Variants in PEG3 observed in about 807,000 individuals in gnomAD.
PEG3 encodes paternally expressed 3, also known as paternally-expressed gene 3 protein.
In PEG3, 23 loss-of-function variants were observed where a neutral mutation model predicts 35.5. The observed-to-expected ratio is 0.65, with a 90% CI of 0.47 to 0.92. The LOEUF is 0.92. Among genes scored for constraint, PEG3 ranks in the 40% least tolerant of loss-of-function variants. The pLI, the probability that PEG3 is intolerant of heterozygous loss-of-function variation, is 0.00. For missense variants in PEG3, 1,960 were observed against 1,985.3 expected (o/e 0.99, Z 0.24); for synonymous variants, 707 against 697.0 (o/e 1.01, Z -0.23).
chr19:56,838,461 A>G (rs927471404), intron 1 of PEG3, among the ~76,000 whole-genome samples: 1 of 152,254 alleles, frequency 6.6e-6, no homozygotes, highest in Admixed American at 6.5e-5. Context: ...CCCGGGCCCC[A>G]GCCCTTAGCC....
At chr19:56,833,158 G>C (rs547166777) in intron 2 of PEG3, 1 of 517,470 alleles carries the variant, frequency 1.9e-6, no homozygotes, top group African/African-American at 1.9e-5. Context: ...CTCCGGTTTG[G>C]CCTCAGGCTC....
chr19:56,811,769 C>T lies in PEG3; in HGVS notation c.*1906G>A, dbSNP rs1290762360. On this transcript the variant is annotated 3_prime_UTR_variant, in exon 10 of 10. Transcript: ENST00000326441. ...TTCCTATGCAGCCAGCCCTCACCTA[C>T]ACCATACCATCAAAAACTCCTTTTC... 4.1e-6 allele frequency: 4 copies of T among 985,438 alleles called. No homozygotes were observed. The highest frequency in any genetic ancestry group is 4.8e-6 in the Non-Finnish European group (4 of 829,990). The allele number at this position is 985,438 out of a possible 1,614,324, so 61.0% of individuals were successfully genotyped here. A position where few individuals can be genotyped will look rare whatever the true frequency, so the allele number is the denominator to read the frequency against.
chr19:56,811,227 AAAT>A lies in PEG3; in HGVS notation c.*2445_*2447del. On this transcript the variant is annotated 3_prime_UTR_variant, in exon 10 of 10. Coordinates refer to ENST00000326441, the MANE Select transcript of PEG3 (RefSeq NM_006210.3). ...TAAAGAACATTCAAGAAATTTAAGAAAATAATGCTCAACTATAAGCCTACAACA... is the reference window on the plus strand; with the variant it reads ...TAAAGAACATTCAAGAAATTTAAGAAAATGCTCAACTATAAGCCTACAACA... The A allele has an allele frequency of 3.1e-6, 3 of 966,806 alleles. No homozygotes were observed. Among genetic ancestry groups the A allele is most frequent in the Non-Finnish European group, 1.2e-6 (1 of 812,962 alleles). 59.9% of individuals were successfully genotyped at this position (966,806 alleles called of 1,614,324 possible).
At chr19:56,824,863 A>C (rs1348200316) in intron 3 of PEG3, 122 bp from the exon 4 acceptor site, 2 of 547,934 alleles carry the variant, frequency 3.7e-6, no homozygotes, top group Non-Finnish European at 6.5e-6. Context: ...TAAATAGGCA[A>C]ACAACCGCAC....
intron 1 of PEG3, among the ~76,000 whole-genome samples, chr19:56,837,552 G>A (rs1049705401): frequency 1.3e-5 from 2 of 152,216 alleles, no homozygotes; most frequent in African/African-American, 2.4e-5. Flanking sequence ...CCCGCTTCCC[G>A]AGGCCTGGCT....
chr19:56,823,722 T>G (rs1294533836), intron 4 of PEG3, 43 bp from the exon 5 acceptor site: 1 of 1,608,500 alleles, frequency 6.2e-7, no homozygotes, highest in South Asian at 1.1e-5. Context: ...CTGGCCCACA[T>G]TCTCACAATA....
intron 2 of PEG3, among the ~76,000 whole-genome samples, chr19:56,827,354 C>T (rs1201130789): frequency 1.3e-5 from 2 of 152,064 alleles, no homozygotes; most frequent in Non-Finnish European, 2.9e-5. Flanking sequence ...GCCAATAGAA[C>T]TTGGCCCTTG....
Position 56,813,595 on chromosome 19 carries a change from T to C in PEG3, c.*80A>G. 3 of 1,508,498 alleles carry C rather than the reference T, an allele frequency of 2.0e-6. No individual in the cohort carries two copies. The highest frequency in any genetic ancestry group is 2.6e-5 in the South Asian group (2 of 76,036). The allele number at this position is 1,508,498 out of a possible 1,614,324, so 93.4% of individuals were successfully genotyped here. A position where few individuals can be genotyped will look rare whatever the true frequency, so the allele number is the denominator to read the frequency against. Reference sequence around the variant, plus strand: ...AAGGTTAAGTCTCCTACTGACATTATCATGGATTGGTTTGGATTCTCTGTG... The same window carrying C: ...AAGGTTAAGTCTCCTACTGACATTACCATGGATTGGTTTGGATTCTCTGTG... On this transcript the variant is annotated 3_prime_UTR_variant, in exon 10 of 10. Transcript: ENST00000326441.
At position 56,814,528 on chromosome 19, in the gene PEG3, T is replaced by C. The variant is rs779904139; in HGVS notation, c.3914A>G (p.Lys1305Arg). The change falls in exon 10 of 10, where the codon AAG becomes AGG. Residue 1305 changes from lysine (K) to arginine (R), a missense_variant. By Grantham distance (26) the Lys-to-Arg change is conservative (BLOSUM62 2). Transcript: ENST00000326441. The surrounding 1 kb of genome is among the most constrained non-coding windows in gnomAD (Gnocchi z 5.8). ...AELADHVTVH[K>R]NEPYEYGSSY... The stretch of plus-strand genomic sequence containing the variant: ...GGACCCGTACTCATAGGGCTCATTC[T>C]TATGAACAGTTACGTGATCTGCAAG... 2.5e-6 allele frequency: 4 copies of C among 1,614,000 alleles called. No individual in the cohort carries two copies. In the Admixed American group the frequency reaches 6.7e-5, roughly 27 times the overall value.
At position 56,813,585 on chromosome 19, in the gene PEG3, A is replaced by G. The variant is rs2059690269; in HGVS notation, c.*90T>C. 8 of 1,490,826 alleles carry G rather than the reference A, an allele frequency of 5.4e-6. No individual in the cohort carries two copies. Among genetic ancestry groups the G allele is most frequent in the Non-Finnish European group, 7.2e-6 (8 of 1,117,222 alleles). 92.3% of individuals were successfully genotyped at this position (1,490,826 alleles called of 1,614,324 possible). On this transcript the variant is annotated 3_prime_UTR_variant, in exon 10 of 10. Transcript: ENST00000326441. Reference sequence around the variant, plus strand: ...GTAACACACTAAGGTTAAGTCTCCTACTGACATTATCATGGATTGGTTTGG... The same window carrying G: ...GTAACACACTAAGGTTAAGTCTCCTGCTGACATTATCATGGATTGGTTTGG...
chr19:56,838,709 C>T (rs1245498904), intron 1 of PEG3, among the ~76,000 whole-genome samples: 2 of 152,222 alleles, frequency 1.3e-5, no homozygotes, highest in Non-Finnish European at 2.9e-5. Context: ...TTAGGCACGT[C>T]TCCCGGCTCC....
At chr19:56,823,524 T>C in intron 5 of PEG3, 69 bp downstream of exon 5, 3 of 1,595,564 alleles carry the variant, frequency 1.9e-6, no homozygotes, top group African/African-American at 1.3e-5. Flanking sequence ...CCCAACCCAC[T>C]GTGTCTCCAT....
At chr19:56,837,162 G>A (rs555567637) in intron 1 of PEG3, among the ~76,000 whole-genome samples, 1 of 152,126 alleles carries the variant, frequency 6.6e-6, no homozygotes, top group African/African-American at 2.4e-5. Context: ...ACACCCAAAC[G>A]AACTAAGCTT....
Position 56,814,733 on chromosome 19 carries a change from T to C in PEG3, c.3709A>G (p.Ser1237Gly), listed in dbSNP as rs776079140. ...CLLCGQGFIH[S>G]SALNEHMRLH... ...CTCATATGCTCATTAAGGGCAGAGC[T>C]ATGAATGAAGCCTTGTCCACACAAA... is the stretch of plus-strand genomic sequence containing the variant. The change falls in exon 10 of 10, where the codon AGC (serine) becomes GGC (glycine). Residue 1237 changes from serine to glycine, a missense_variant. Transcript: ENST00000326441. This position sits in a 1 kb window ranked among gnomAD's most constrained non-coding sequence, Gnocchi z 5.8. 1 of 1,614,136 alleles carries C rather than the reference T, an allele frequency of 6.2e-7. No homozygotes were observed. The highest frequency in any genetic ancestry group is 1.1e-5 in the South Asian group (1 of 91,078).
At position 56,821,169 on chromosome 19, in the gene PEG3, T is replaced by C. The variant is rs183801544; in HGVS notation, c.669+482A>G. Among the ~76,000 whole-genome samples the C allele has an allele frequency of 3.0e-3, 451 of 152,350 alleles. 2 individuals carry two copies. Among genetic ancestry groups the C allele is most frequent in the African/African-American group, 0.01 (429 of 41,584 alleles). ...GCCCTGGGAGCAATCACCATATTCA[T>C]TTTACAGATGAGGAAACTTAAATTC... On this transcript the variant is annotated intron_variant, in intron 7 of 9. Transcript: ENST00000326441.
At position 56,814,974 on chromosome 19, in the gene PEG3, A is replaced by C. The variant is rs780521174; in HGVS notation, c.3468T>G (p.Asp1156Glu). Residue 1156 changes from aspartate (D) to glutamate (E), a missense_variant, in exon 10 of 10, where the codon GAT becomes GAG. Asp to Glu is a conservative substitution (Grantham distance 45). Coordinates refer to ENST00000326441, the MANE Select transcript of PEG3 (RefSeq NM_006210.3). This position sits in a 1 kb window ranked among gnomAD's most constrained non-coding sequence, Gnocchi z 5.8. Reference protein sequence around the residue: ...HTHSISEYQRDYTGEQLYECP... With the variant: ...HTHSISEYQREYTGEQLYECP... ...ATTCATACAGCTGCTCTCCAGTGTA[A>C]TCTCTCTGATACTCGCTGATGGAAT... The C allele has an allele frequency of 1.4e-5, 23 of 1,613,980 alleles. No individual in the cohort carries two copies. Among genetic ancestry groups the C allele is most frequent in the East Asian group, 2.2e-5 (1 of 44,888 alleles).
At chr19:56,832,544 T>C (rs10423957) in intron 2 of PEG3, among the ~76,000 whole-genome samples, 3,206 of 152,290 alleles carry the variant, frequency 0.021, 114 homozygotes, top group African/African-American at 0.073. Context: ...AAAGCTTCCA[T>C]ATCTCCCTCT....
chr19:56,822,756 T>C lies in PEG3; in HGVS notation c.562A>G (p.Ser188Gly). ...AAAGAAAGTGGTTAAGACTCACTGC[T>C]TCTTGGGTTCCTGGTGTGGGACCAG... ...DRWSHTRNPR[S>G]RMPPRDLSLP... The change falls in exon 6 of 10, where the codon AGC (serine) becomes GGC (glycine). Residue 188 changes from serine (S) to glycine (G), a missense_variant. Coordinates refer to ENST00000326441, the MANE Select transcript of PEG3 (RefSeq NM_006210.3). The C allele has an allele frequency of 1.9e-6, 3 of 1,614,124 alleles. No individual in the cohort carries two copies. The highest frequency in any genetic ancestry group is 2.5e-6 in the Non-Finnish European group (3 of 1,180,014).
At chr19:56,831,356 G>A (rs1452417612) in intron 2 of PEG3, among the ~76,000 whole-genome samples, 1 of 152,162 alleles carries the variant, frequency 6.6e-6, no homozygotes, top group African/African-American at 2.4e-5. Context: ...CTTTCTTACA[G>A]CTAAATGGCA....
Sources: gnomAD v4.1 joint callset for allele counts (sites outside exome capture counted in the v4.1 genomes callset) on GRCh38, gnomAD v4.1.1 for gene constraint, Gnocchi (gnomAD v3.1) non-coding constraint, MANE v1.5 for transcripts, NCBI Gene and HGNC (gene_info 2026-07-23, HGNC 2026-07-21) for gene names.